Variants in TRAF3 observed in about 807,000 individuals in gnomAD.
The protein encoded by TRAF3 is TNF receptor associated factor 3, also known as TNF receptor-associated factor 3.
A neutral mutation model predicts 62.3 loss-of-function variants in TRAF3; 13 were observed. The observed-to-expected ratio is 0.21, with a 90% CI of 0.14 to 0.33. The LOEUF is 0.33. Among genes scored for constraint, TRAF3 ranks in the 10% least tolerant of loss-of-function variants. The probability of loss-of-function intolerance (pLI) is 1.00; values close to 1 mark genes in which losing one functional copy is unlikely to be tolerated. For missense variants in TRAF3, 440 were observed against 741.8 expected, an observed-to-expected ratio of 0.59 and a Z score of 4.73; for synonymous variants, 269 against 283.4, an observed-to-expected ratio of 0.95 and a Z score of 0.51.
chr14:102,869,665 G>T (rs532557122), intron 2 of TRAF3, among the ~76,000 whole-genome samples: 1 of 151,908 alleles, frequency 6.6e-6, no homozygotes, highest in African/African-American at 2.4e-5. Context: ...AATTAGCCAG[G>T]TGTGGTGGTG....
At chr14:102,838,932 A>AT (rs1886194332) in intron 2 of TRAF3, among the ~76,000 whole-genome samples, 2 of 152,298 alleles carry the variant, frequency 1.3e-5, no homozygotes, top group African/African-American at 4.8e-5. Flanking sequence ...ATACCATAAC[A>AT]TTTTTAATTT....
rs752922791 is a variant in TRAF3 at position 102,846,638 on chromosome 14, TA to T, written c.-18+16194del. ...GGCAACACAGGGAGATCCAGCTTCT[TA>T]AAAAAAAAAAAAAAAAAAAAAAAAA... On this transcript the variant is annotated intron_variant, in intron 2 of 11. Transcript: ENST00000392745. Among the ~76,000 whole-genome samples, 516 of 71,740 alleles carry T rather than the reference TA, an allele frequency of 7.2e-3. 2 individuals carry two copies. The highest frequency in any genetic ancestry group is 0.022 in the African/African-American group (347 of 15,914). 47.1% of individuals were successfully genotyped at this position (71,740 alleles called of 152,430 possible). A position where few individuals can be genotyped will look rare whatever the true frequency, so the allele number is the denominator to read the frequency against.
At chr14:102,836,192 C>T (rs570905288) in intron 2 of TRAF3, among the ~76,000 whole-genome samples, 50 of 152,370 alleles carry the variant, frequency 3.3e-4, no homozygotes, top group Non-Finnish European at 3.8e-4. Flanking sequence ...CTGGGGCTGG[C>T]CAGGGCCTGT....
chr14:102,802,776 C>T (rs1276149447), intron 1 of TRAF3, among the ~76,000 whole-genome samples: 2 of 152,034 alleles, frequency 1.3e-5, no homozygotes, highest in East Asian at 2.0e-4. Context: ...TTCAGTGAGC[C>T]GAGATCGTGC....
At chr14:102,851,201 T>C (rs1035577751) in intron 2 of TRAF3, among the ~76,000 whole-genome samples, 3 of 152,274 alleles carry the variant, frequency 2.0e-5, no homozygotes, top group East Asian at 1.9e-4. Flanking sequence ...CATTAACTTA[T>C]AATTGTCATA....
At chr14:102,863,578 G>T (rs1887803686) in intron 2 of TRAF3, among the ~76,000 whole-genome samples, 1 of 152,176 alleles carries the variant, frequency 6.6e-6, no homozygotes, top group Non-Finnish European at 1.5e-5. Context: ...GGCCTTTTCA[G>T]GTCTTTCCTG....
At chr14:102,813,700 C>T (rs993388086) in intron 1 of TRAF3, among the ~76,000 whole-genome samples, 1 of 152,122 alleles carries the variant, frequency 6.6e-6, no homozygotes, top group Non-Finnish European at 1.5e-5. Flanking sequence ...ATCCACCCGC[C>T]TCGGCCTCCC....
chr14:102,848,790 C>T (rs1310275044), intron 2 of TRAF3, among the ~76,000 whole-genome samples: 1 of 152,136 alleles, frequency 6.6e-6, no homozygotes, highest in East Asian at 1.9e-4. Flanking sequence ...TTCCCTCATT[C>T]TGGCCTTTGC....
At chr14:102,886,888 A>G (rs557812770) in intron 7 of TRAF3, among the ~76,000 whole-genome samples, 2 of 152,250 alleles carry the variant, frequency 1.3e-5, no homozygotes, top group South Asian at 2.1e-4. Context: ...TTTTAACTCT[A>G]TAGAATAGTA....
At chr14:102,825,998 GTTCA>G (rs1170679818) in intron 1 of TRAF3, among the ~76,000 whole-genome samples, 1 of 152,224 alleles carries the variant, frequency 6.6e-6, no homozygotes, top group South Asian at 2.1e-4. Context: ...GGCCAAATGT[GTTCA>G]TTCATTCATA....
At chr14:102,889,531 C>G (rs1257625985) in intron 7 of TRAF3, 29 bp from the exon 8 acceptor site, 1 of 1,611,752 alleles carries the variant, frequency 6.2e-7, no homozygotes, top group Non-Finnish European at 8.5e-7. Context: ...AACGTTTGTG[C>G]CACAACTCAC....
chr14:102,868,269 C>G (rs189385924), intron 2 of TRAF3, among the ~76,000 whole-genome samples: 8 of 152,178 alleles, frequency 5.3e-5, no homozygotes, highest in Non-Finnish European at 1.0e-4. Context: ...GTGGGAAACT[C>G]TACACAAGAA....
At chr14:102,832,139 CATG>C (rs139920168) in intron 2 of TRAF3, among the ~76,000 whole-genome samples, 4,730 of 152,154 alleles carry the variant, frequency 0.031, 78 homozygotes, top group Admixed American at 0.053. Context: ...TCATGTACAA[CATG>C]ATATTTTGAA....
At chr14:102,877,413 CG>C (rs2139866135) in intron 6 of TRAF3, among the ~76,000 whole-genome samples, 1 of 145,460 alleles carries the variant, frequency 6.9e-6, no homozygotes, top group South Asian at 2.2e-4. Context: ...ACAGGCCTTC[CG>C]CTCAGCTCAT....
intron 1 of TRAF3, among the ~76,000 whole-genome samples, chr14:102,787,109 G>A (rs1360669831): frequency 1.3e-5 from 2 of 152,132 alleles, no homozygotes; most frequent in African/African-American, 4.8e-5. Context: ...TTGATAAAGG[G>A]AATGACTTAT....
intron 2 of TRAF3, among the ~76,000 whole-genome samples, chr14:102,831,640 C>T (rs113772415): frequency 6.6e-6 from 1 of 152,154 alleles, no homozygotes; most frequent in Non-Finnish European, 1.5e-5. Flanking sequence ...TGTGGAGTGA[C>T]CTTCTGTCTC....
At chr14:102,825,058 A>G (rs958126407) in intron 1 of TRAF3, among the ~76,000 whole-genome samples, 1 of 152,246 alleles carries the variant, frequency 6.6e-6, no homozygotes, top group Non-Finnish European at 1.5e-5. Context: ...TCTGGGATCC[A>G]GAAGGAGTGA....
rs1456640288 is a variant in TRAF3, at chr14:102,903,809, G to T, written c.1135+380G>T. ...CCCCAGACCCCACTCCTAAGGGCCA[G>T]GGGGCAGCAGTCCCACCGCGCTCTG... On this transcript the variant is annotated intron_variant, in intron 11 of 11. Transcript: ENST00000392745. The surrounding 1 kb of genome is among the most constrained non-coding windows in gnomAD (Gnocchi z 6.4). The T allele has an allele frequency of 1.0e-5, 5 of 476,762 alleles. No homozygotes were observed. The highest frequency in any genetic ancestry group is 2.1e-5 in the Non-Finnish European group (5 of 240,966). 29.5% of individuals were successfully genotyped at this position (476,762 alleles called of 1,614,324 possible).
intron 1 of TRAF3, among the ~76,000 whole-genome samples, chr14:102,782,895 G>A (rs1366581884): frequency 6.6e-6 from 1 of 152,148 alleles, no homozygotes; most frequent in Non-Finnish European, 1.5e-5. Flanking sequence ...AAGCTAAATT[G>A]ATTAACCAAG....
Sources: allele counts gnomAD v4.1 joint callset (sites outside exome capture counted in the v4.1 genomes callset), GRCh38; gene constraint gnomAD v4.1.1; non-coding constraint Gnocchi (gnomAD v3.1); transcripts MANE v1.5; gene names NCBI Gene and HGNC (gene_info 2026-07-23, HGNC 2026-07-21).